STK32B: variants seen among roughly 807,000 people sequenced by gnomAD.
STK32B encodes the protein serine/threonine-protein kinase 32B.
STK32B carries 43 observed loss-of-function variants against 52.6 expected under a neutral mutation model. That is an observed-to-expected ratio of 0.82 (90% CI 0.64 to 1.05). STK32B has a LOEUF of 1.05. Ranked by LOEUF, STK32B falls within the 50% of genes least tolerant of loss-of-function variation. STK32B has a pLI of 0.00. For missense variants in STK32B, 621 were observed against 534.6 expected (o/e 1.16, Z -1.59); for synonymous variants, 238 against 204.3 (o/e 1.17, Z -1.41).
chr4:5,498,134 GTGAGT>G (rs1445952423), intron 11 of STK32B, among the ~76,000 whole-genome samples: 1 of 152,202 alleles, frequency 6.6e-6, no homozygotes, highest in East Asian at 1.9e-4. Flanking sequence ...GAGCCAGGAT[GTGAGT>G]TGAGTTCTTC....
chr4:5,159,654 T>TATATATATGA (rs1208610878), intron 2 of STK32B, among the ~76,000 whole-genome samples: 1 of 83,292 alleles, frequency 1.2e-5, no homozygotes, highest in African/African-American at 7.6e-5. Flanking sequence ...TGTATATGAA[T>TATATATATGA]ATATATATGA....
chr4:5,339,267 G>A lies in STK32B; in HGVS notation c.434+7874G>A, dbSNP rs918020434. Among the ~76,000 whole-genome samples, 7 of 152,226 alleles carry A rather than the reference G, an allele frequency of 4.6e-5. No homozygotes were observed. In the East Asian group the frequency reaches 5.8e-4, roughly 13 times the overall value. ...CTCAGCCTCCAAAACCACGGGAGCC[G>A]ATTCCCATGATAAATCTCTGTTATA... On this transcript the variant is annotated intron_variant, in intron 4 of 11. Coordinates refer to ENST00000282908, the MANE Select transcript of STK32B (RefSeq NM_018401.3).
intron 3 of STK32B, among the ~76,000 whole-genome samples, chr4:5,294,815 T>A (rs1372566707): frequency 6.6e-6 from 1 of 152,162 alleles, no homozygotes; most frequent in South Asian, 2.1e-4. Context: ...CTGTGTTGTA[T>A]AGGAGTGGTG....
intron 3 of STK32B, among the ~76,000 whole-genome samples, chr4:5,193,610 C>T (rs926702547): frequency 6.6e-6 from 1 of 152,232 alleles, no homozygotes; most frequent in Non-Finnish European, 1.5e-5. Context: ...CTGGAAGAGT[C>T]GGTGCCAATG....
chr4:5,404,281 C>G (rs912097269), intron 5 of STK32B, among the ~76,000 whole-genome samples: 2 of 152,232 alleles, frequency 1.3e-5, no homozygotes, highest in East Asian at 1.9e-4. Context: ...CTCCAGGGCC[C>G]TCTTCCAGCT....
At chr4:5,300,172 A>G (rs1729464394) in intron 3 of STK32B, among the ~76,000 whole-genome samples, 1 of 152,226 alleles carries the variant, frequency 6.6e-6, no homozygotes, top group Admixed American at 6.5e-5. Flanking sequence ...ACAGAATTTA[A>G]AAACAAACCA....
intron 1 of STK32B, among the ~76,000 whole-genome samples, chr4:5,108,192 AT>A (rs1714210716): frequency 6.6e-6 from 1 of 152,214 alleles, no homozygotes; most frequent in Non-Finnish European, 1.5e-5. Context: ...ACCTGTACTG[AT>A]TCACATAGTT....
chr4:5,078,027 C>A (rs183272971), intron 1 of STK32B, among the ~76,000 whole-genome samples: 1 of 152,258 alleles, frequency 6.6e-6, no homozygotes, highest in Admixed American at 6.5e-5. Context: ...GGCTTTTTCA[C>A]ACATCTCTTC....
At chr4:5,090,250 A>G (rs1362458221) in intron 1 of STK32B, among the ~76,000 whole-genome samples, 1 of 151,452 alleles carries the variant, frequency 6.6e-6, no homozygotes, top group Non-Finnish European at 1.5e-5. Context: ...TTTTGTTGCA[A>G]TTGCTTTTGG....
At chr4:5,486,955 G>C (rs1027593464) in intron 11 of STK32B, among the ~76,000 whole-genome samples, 13 of 152,216 alleles carry the variant, frequency 8.5e-5, no homozygotes, top group Non-Finnish European at 1.9e-4. Flanking sequence ...AGTAATAGCA[G>C]TGGGCAAAAC....
intron 3 of STK32B, among the ~76,000 whole-genome samples, chr4:5,266,086 G>A (rs1032724524): frequency 2.1e-4 from 32 of 152,266 alleles, no homozygotes; most frequent in African/African-American, 6.7e-4. Flanking sequence ...TAATATACAT[G>A]TAGTCTCCCA....
At chr4:5,304,771 GA>G (rs575989884) in intron 3 of STK32B, among the ~76,000 whole-genome samples, 19,384 of 151,872 alleles carry the variant, frequency 0.13, 2,673 homozygotes, top group African/African-American at 0.35. Flanking sequence ...AGTTATCGGG[GA>G]GGGGGGGTGC....
At chr4:5,139,198 AG>A (rs139252125) in intron 1 of STK32B, among the ~76,000 whole-genome samples, 1,908 of 152,242 alleles carry the variant, frequency 0.013, 46 homozygotes, top group African/African-American at 0.042. Context: ...GGGTAAGGGG[AG>A]AAAGGAGTCA....
At chr4:5,034,142 C>T in the STK32B span, among the ~76,000 whole-genome samples, 1 of 152,236 alleles carries the variant, frequency 6.6e-6, no homozygotes, top group Non-Finnish European at 1.5e-5. Context: ...TTCCTAACTC[C>T]ATTTCACCTA....
intron 4 of STK32B, among the ~76,000 whole-genome samples, chr4:5,382,121 A>G (rs144047045): frequency 1.6e-4 from 24 of 152,254 alleles, no homozygotes; most frequent in African/African-American, 5.5e-4. Context: ...ATGGAGGGCA[A>G]TGCGCTTTAC....
At chr4:5,317,227 T>TATATAACATATATATATTATATATAAC (rs1731070351) in intron 3 of STK32B, among the ~76,000 whole-genome samples, 2 of 46,502 alleles carry the variant, frequency 4.3e-5, no homozygotes, top group South Asian at 8.4e-4. Flanking sequence ...ATATATATTA[T>TATATAACATATATATATTATATATAAC]ATATAACATA....
chr4:5,318,068 G>C (rs963219793), intron 3 of STK32B, among the ~76,000 whole-genome samples: 1 of 151,998 alleles, frequency 6.6e-6, no homozygotes, highest in South Asian at 2.1e-4. Context: ...GAAAGTCTTG[G>C]CTCTCAGGGC....
intron 3 of STK32B, among the ~76,000 whole-genome samples, chr4:5,197,517 TC>T (rs1278323817): frequency 6.6e-6 from 1 of 152,248 alleles, no homozygotes; most frequent in African/African-American, 2.4e-5. Context: ...TTGGGAATTA[TC>T]TTTTTCATTT....
rs1431041601 is a variant in STK32B at position 5,051,486 on chromosome 4, C to T, written c.-378C>T. On this transcript the variant is annotated 5_prime_UTR_variant, in exon 1 of 12. Coordinates refer to ENST00000282908, the MANE Select transcript of STK32B (RefSeq NM_018401.3). ...GTCCCCTCCTCCCCCGCTCCTTCCC[C>T]TCCTTCCCCTGCTCCCGCGCCGCCT... The T allele has an allele frequency of 7.2e-6, 2 of 276,064 alleles. No individual in the cohort carries two copies. The highest frequency in any genetic ancestry group is 2.3e-5 in the African/African-American group (1 of 44,430). The allele number at this position is 276,064 out of a possible 1,614,324, so 17.1% of individuals were successfully genotyped here.
Sources: allele counts gnomAD v4.1 joint callset (sites outside exome capture counted in the v4.1 genomes callset), GRCh38; gene constraint gnomAD v4.1.1; transcripts MANE v1.5; gene names NCBI Gene and HGNC (gene_info 2026-07-23, HGNC 2026-07-21).